Variants in PLCH1 observed in about 807,000 individuals in gnomAD.
The protein encoded by PLCH1 is phospholipase C eta 1.
A neutral mutation model predicts 126.7 loss-of-function variants in PLCH1; 60 were observed. The ratio of observed to expected loss-of-function variants is 0.47; its 90% CI spans 0.38 to 0.59. PLCH1 has a LOEUF of 0.59. PLCH1 is among the 20% of genes least tolerant of loss of function. The pLI, the probability that PLCH1 is intolerant of heterozygous loss-of-function variation, is 0.00. For synonymous variants in PLCH1, 719 were observed against 734.9 expected, an observed-to-expected ratio of 0.98 and a Z score of 0.35; for missense variants, 1,723 against 2,040.0, an observed-to-expected ratio of 0.84 and a Z score of 2.99.
At chr3:155,463,286 T>C (rs543450769) in intron 21 of PLCH1, among the ~76,000 whole-genome samples, 2 of 152,360 alleles carry the variant, frequency 1.3e-5, no homozygotes, top group South Asian at 2.1e-4. Context: ...TCAACTACCA[T>C]AGGTGATATG....
intron 8 of PLCH1, among the ~76,000 whole-genome samples, chr3:155,557,304 G>C (rs1211683802): frequency 6.6e-6 from 1 of 152,138 alleles, no homozygotes; most frequent in Non-Finnish European, 1.5e-5. Flanking sequence ...TCCCTTCTTG[G>C]AGAAGAAAGA....
At chr3:155,709,696 C>T (rs145345442) in intron 1 of PLCH1, among the ~76,000 whole-genome samples, 1 of 152,246 alleles carries the variant, frequency 6.6e-6, no homozygotes, top group African/African-American at 2.4e-5. Context: ...GGCTCAACTG[C>T]AGCCTCGACC....
intron 21 of PLCH1, among the ~76,000 whole-genome samples, chr3:155,467,432 G>T (rs1290702716): frequency 1.3e-5 from 2 of 152,006 alleles, no homozygotes; most frequent in Non-Finnish European, 2.9e-5. Context: ...AAATTAGCTG[G>T]ACGTGGTGGT....
intron 1 of PLCH1, among the ~76,000 whole-genome samples, chr3:155,740,621 A>C (rs1489142600): frequency 6.9e-6 from 1 of 145,160 alleles, no homozygotes; most frequent in African/African-American, 2.9e-5. Context: ...GAGGCCGAGG[A>C]GGGAGGATCA....
intron 10 of PLCH1, 85 bp downstream of exon 10, chr3:155,549,702 C>T (rs1381588429): frequency 7.6e-6 from 7 of 918,544 alleles, no homozygotes; most frequent in Non-Finnish European, 1.0e-5. Context: ...TTATTATTCT[C>T]CCTTGAAACC....
chr3:155,717,064 A>G (rs1747573936), intron 1 of PLCH1, among the ~76,000 whole-genome samples: 1 of 152,270 alleles, frequency 6.6e-6, no homozygotes, highest in Non-Finnish European at 1.5e-5. Flanking sequence ...GCCCCATGCA[A>G]GCTCAAAACC....
At chr3:155,723,052 G>T (rs1268572370) in intron 1 of PLCH1, among the ~76,000 whole-genome samples, 1 of 152,166 alleles carries the variant, frequency 6.6e-6, no homozygotes, top group Non-Finnish European at 1.5e-5. Flanking sequence ...AATCTAGGAG[G>T]ATTGTATAGT....
chr3:155,524,316 G>A lies in PLCH1; in HGVS notation c.1363-312C>T, dbSNP rs542271897. Among the ~76,000 whole-genome samples the A allele has an allele frequency of 4.8e-4, 73 of 152,222 alleles. 1 individual carries two copies. Among genetic ancestry groups the A allele is most frequent in the South Asian group, 2.1e-4 (1 of 4,824 alleles). ...AAAGGGCTGAAGGTAGGAGGGTATCGGGAGTTGTTGCTGAATGGGTATAGA... is the reference window on the plus strand; with the variant it reads ...AAAGGGCTGAAGGTAGGAGGGTATCAGGAGTTGTTGCTGAATGGGTATAGA... On this transcript the variant is annotated intron_variant, in intron 10 of 22. Transcript: ENST00000460012.
chr3:155,640,753 A>C (rs1279290283), intron 2 of PLCH1, among the ~76,000 whole-genome samples: 1 of 152,200 alleles, frequency 6.6e-6, no homozygotes, highest in Non-Finnish European at 1.5e-5. Flanking sequence ...CCATGATTAT[A>C]TAATATATAT....
At chr3:155,680,308 G>A (rs961891000) in intron 2 of PLCH1, among the ~76,000 whole-genome samples, 6 of 151,952 alleles carry the variant, frequency 3.9e-5, no homozygotes, top group African/African-American at 9.7e-5. Flanking sequence ...GCTTGAACCC[G>A]GGAGGCAGAG....
intron 6 of PLCH1, among the ~76,000 whole-genome samples, chr3:155,572,234 C>G (rs911466312): frequency 4.6e-5 from 7 of 152,076 alleles, no homozygotes; most frequent in African/African-American, 1.7e-4. Context: ...TTATTTATTT[C>G]CCTCATGTGT....
chr3:155,597,730 T>C (rs190056507), intron 2 of PLCH1, among the ~76,000 whole-genome samples: 1 of 152,284 alleles, frequency 6.6e-6, no homozygotes, highest in Admixed American at 6.5e-5. Flanking sequence ...ATAACAAATG[T>C]TCACAATTTA....
intron 2 of PLCH1, among the ~76,000 whole-genome samples, chr3:155,601,350 A>G (rs932880267): frequency 6.6e-6 from 1 of 152,282 alleles, no homozygotes; most frequent in East Asian, 1.9e-4. Flanking sequence ...GTTTAATATA[A>G]GTAAATTTCC....
rs553651706 is a variant in PLCH1 at position 155,727,883 on chromosome 3, G to A, written c.-41+16957C>T. ...ACTTCTTAAGTTAGAAAGAAAATAC[G>A]GTGATTTTGTTTCTTTTTTTTTTTT... On this transcript the variant is annotated intron_variant, in intron 1 of 22. Coordinates refer to ENST00000460012, the MANE Select transcript of PLCH1 (RefSeq NM_014996.4). 7.3e-5 allele frequency among the ~76,000 whole-genome samples: 11 copies of A among 150,646 alleles called. 1 individual carries two copies. The South Asian group carries it at 2.4e-3, about 33-fold the overall frequency.
chr3:155,643,282 G>A (rs2108864000), intron 2 of PLCH1, among the ~76,000 whole-genome samples: 1 of 152,124 alleles, frequency 6.6e-6, no homozygotes, highest in Non-Finnish European at 1.5e-5. Flanking sequence ...ATGCTCTGGG[G>A]TTAGCCAGTC....
In PLCH1 at chr3:155,733,934, C is replaced by CATATATAT. The variant is rs35149793; in HGVS notation, c.-41+10898_-41+10905dup. ...AACATACAAATGGCCAACAGGTATA[C>CATATATAT]ATATATATATATATATATATATATA... On this transcript the variant is annotated intron_variant, in intron 1 of 22. Transcript: ENST00000460012. Among the ~76,000 whole-genome samples the CATATATAT allele has an allele frequency of 1.8e-3, 172 of 98,082 alleles. 3 individuals carry two copies. The highest frequency in any genetic ancestry group is 0.013 in the Middle Eastern group (2 of 160). 64.3% of individuals were successfully genotyped at this position (98,082 alleles called of 152,430 possible).
At chr3:155,497,984 G>A (rs1717310225) in intron 14 of PLCH1, among the ~76,000 whole-genome samples, 1 of 152,168 alleles carries the variant, frequency 6.6e-6, no homozygotes, top group Admixed American at 6.5e-5. Flanking sequence ...CAAAATGCTA[G>A]GATTACAGAC....
intron 11 of PLCH1, among the ~76,000 whole-genome samples, chr3:155,519,447 C>G (rs1479553576): frequency 6.6e-6 from 1 of 152,054 alleles, no homozygotes; most frequent in Non-Finnish European, 1.5e-5. Flanking sequence ...CATTTTGTCT[C>G]CAGCATGAAG....
chr3:155,644,286 G>A (rs577373706), intron 2 of PLCH1, among the ~76,000 whole-genome samples: 3 of 152,264 alleles, frequency 2.0e-5, no homozygotes, highest in Admixed American at 1.3e-4. Context: ...AATTATTGAA[G>A]TGAGTATAAG....
Sources: allele counts gnomAD v4.1 joint callset (sites outside exome capture counted in the v4.1 genomes callset), GRCh38; gene constraint gnomAD v4.1.1; transcripts MANE v1.5; gene names NCBI Gene and HGNC (gene_info 2026-07-23, HGNC 2026-07-21).